The following SDHA variants were observed in gnomAD, a reference collection of about 807,000 sequenced individuals.
SDHA encodes the protein succinate dehydrogenase complex flavoprotein subunit A.
A neutral mutation model predicts 78.4 loss-of-function variants in SDHA; 48 were observed. That is an observed-to-expected ratio of 0.61 (90% CI 0.49 to 0.78). The LOEUF is 0.78. Among genes scored for constraint, SDHA ranks in the 30% least tolerant of loss-of-function variants. The pLI, the probability that SDHA is intolerant of heterozygous loss-of-function variation, is 0.00. For synonymous variants in SDHA, 326 were observed against 353.9 expected, an observed-to-expected ratio of 0.92 and a Z score of 0.88; for missense variants, 680 against 892.7, an observed-to-expected ratio of 0.76 and a Z score of 3.04.
At chr5:220,978 A>G (rs1734682537) in intron 1 of SDHA, among the ~76,000 whole-genome samples, 1 of 151,898 alleles carries the variant, frequency 6.6e-6, no homozygotes, top group Non-Finnish European at 1.5e-5. Flanking sequence ...ATGCCCGGCT[A>G]ATTTTTTTGT....
downstream of SDHA, among the ~76,000 whole-genome samples, chr5:259,438 G>A (rs1366457045): frequency 4.3e-5 from 2 of 46,360 alleles, no homozygotes; most frequent in East Asian, 4.0e-4. Flanking sequence ...TCCGCCTCCC[G>A]ACAGAGCATT....
chr5:257,010 G>A lies in SDHA; in HGVS notation c.*590G>A, dbSNP rs1195373288. On this transcript the variant is annotated 3_prime_UTR_variant, in exon 15 of 15. Transcript: ENST00000264932. ...TGTAGGGACAGGGTCTCACTGTGTTGCCTAGGCTGGTCTCAAGTGATCCTC... is the reference window on the plus strand; with the variant it reads ...TGTAGGGACAGGGTCTCACTGTGTTACCTAGGCTGGTCTCAAGTGATCCTC... Among the ~76,000 whole-genome samples, 13 of 123,022 alleles carry A rather than the reference G, an allele frequency of 1.1e-4. No individual in the cohort carries two copies. Among genetic ancestry groups the A allele is most frequent in the Non-Finnish European group, 1.8e-4 (11 of 61,796 alleles). 80.7% of individuals were successfully genotyped at this position (123,022 alleles called of 152,430 possible). A position where few individuals can be genotyped will look rare whatever the true frequency, so the allele number is the denominator to read the frequency against.
intron 3 of SDHA, among the ~76,000 whole-genome samples, chr5:225,108 G>A (rs942157686): frequency 6.6e-6 from 1 of 152,200 alleles, no homozygotes; most frequent in Admixed American, 6.5e-5. Context: ...GTGCCAGATA[G>A]GTTAGGTTAT....
rs1735689481 is a variant in SDHA at position 235,179 on chromosome 5, A to C, written c.1100A>C (p.Gln367Pro). 1 of 1,614,008 alleles carries C rather than the reference A, an allele frequency of 6.2e-7. No homozygotes were observed. Among genetic ancestry groups the C allele is most frequent in the East Asian group, 2.2e-5 (1 of 44,888 alleles). The change falls in exon 9 of 15, where the codon CAG becomes CCG. Residue 367 changes from glutamine to proline, a missense_variant. Physicochemically the swap from Gln to Pro is moderately conservative, Grantham distance 76 (BLOSUM62 -1). Transcript: ENST00000264932. ...CGPEKDHVYL[Q>P]LHHLPPEQLA... is the part of the protein sequence containing the mutation. ...CCTGAGAAAGATCACGTCTACCTGCAGCTGCACCACCTACCTCCAGAGCAG... is the reference window on the plus strand; with the variant it reads ...CCTGAGAAAGATCACGTCTACCTGCCGCTGCACCACCTACCTCCAGAGCAG...
At chr5:268,326 G>T in the SDHA span, among the ~76,000 whole-genome samples, 3 of 151,982 alleles carry the variant, frequency 2.0e-5, no homozygotes, top group African/African-American at 7.3e-5. Flanking sequence ...GGGATTACAG[G>T]CACCTGCCAC....
intron 9 of SDHA, 114 bp downstream of exon 9, chr5:235,453 G>A (rs1735719344): frequency 5.8e-6 from 6 of 1,042,198 alleles, no homozygotes; most frequent in Admixed American, 1.9e-5. Flanking sequence ...CTTCAAGAAA[G>A]TACTGTATTG....
In SDHA at chr5:218,619, C is replaced by T. The variant is rs971464190; in HGVS notation, c.63+201C>T. On this transcript the variant is annotated intron_variant, in intron 1 of 14. Transcript: ENST00000264932. ...ACTCGGGGACCCGGGGAGCTCGGTC[C>T]TTAGTAGATAGTCCGCGTCCGGGTG... Among the ~76,000 whole-genome samples the T allele has an allele frequency of 2.6e-5, 4 of 152,280 alleles. No individual in the cohort carries two copies. In the East Asian group the frequency reaches 7.7e-4, roughly 29 times the overall value.
At chr5:225,243 G>C (rs1385318024) in intron 3 of SDHA, among the ~76,000 whole-genome samples, 176 bp from the exon 4 acceptor site, 1 of 152,176 alleles carries the variant, frequency 6.6e-6, no homozygotes, top group Non-Finnish European at 1.5e-5. Flanking sequence ...GTCGGGGAGG[G>C]GTTGTGATCT....
At chr5:262,885 C>A in the SDHA span, among the ~76,000 whole-genome samples, 1 of 152,138 alleles carries the variant, frequency 6.6e-6, no homozygotes, top group Non-Finnish European at 1.5e-5. Context: ...TAAATTTGTT[C>A]CTTAAAGTGT....
intron 6 of SDHA, among the ~76,000 whole-genome samples, chr5:230,453 C>G (rs11958564): frequency 0.093 from 14,132 of 151,866 alleles, 934 homozygotes; most frequent in Non-Finnish European, 0.12. Context: ...ATGGTGAAAC[C>G]CCATCTCTAC....
At chr5:249,083 A>G (rs1260845825) in intron 11 of SDHA, 3 of 436,486 alleles carry the variant, frequency 6.9e-6, no homozygotes, top group African/African-American at 2.1e-5. Context: ...GAAGCATCCC[A>G]GCACACCTGA....
In SDHA at chr5:229,498, G is replaced by A. The variant is rs1247399259; in HGVS notation, c.770+1165G>A. Among the ~76,000 whole-genome samples, 7 of 152,326 alleles carry A rather than the reference G, an allele frequency of 4.6e-5. No individual in the cohort carries two copies. The East Asian group carries it at 1.3e-3, about 29-fold the overall frequency. On this transcript the variant is annotated intron_variant, in intron 6 of 14. Transcript: ENST00000264932. ...CATTATGTTAAGTGAAACGAGCCAG[G>A]CACAGAAAGACAGATACTGCATGTC... is the stretch of plus-strand genomic sequence containing the variant.
At position 218,321 on chromosome 5, in the gene SDHA, G is replaced by A; in HGVS notation, c.-35G>A. 2 of 1,437,538 alleles carry A rather than the reference G, an allele frequency of 1.4e-6. No individual in the cohort carries two copies. The highest frequency in any genetic ancestry group is 1.8e-6 in the Non-Finnish European group (2 of 1,103,786). 89.0% of individuals were successfully genotyped at this position (1,437,538 alleles called of 1,614,324 possible). ...GTGGTGCGCAGGCGCAGTCTGCGCA[G>A]GGACTGGCGGGACTGCGCGGCGGCA... On this transcript the variant is annotated 5_prime_UTR_variant, in exon 1 of 15. Transcript: ENST00000264932.
chr5:225,565 GA>G lies in SDHA; in HGVS notation c.456+4del. 9 of 1,613,912 alleles carry G rather than the reference GA, an allele frequency of 5.6e-6. No homozygotes were observed. The highest frequency in any genetic ancestry group is 7.6e-6 in the Non-Finnish European group (9 of 1,179,838). On this transcript the variant is annotated splice_donor_region_variant and intron_variant, in intron 4 of 14. Coordinates refer to ENST00000264932, the MANE Select transcript of SDHA (RefSeq NM_004168.4). Reference sequence around the variant, plus strand: ...AGGCCCCCGCCGCCGTGGTCGAGGTGATGGGCGGGAGGCTCTGGGTGTTCTC... The same window carrying G: ...AGGCCCCCGCCGCCGTGGTCGAGGTGTGGGCGGGAGGCTCTGGGTGTTCTC...
intron 1 of SDHA, among the ~76,000 whole-genome samples, chr5:222,186 C>T (rs1308977093): frequency 6.6e-6 from 1 of 152,022 alleles, no homozygotes; most frequent in Non-Finnish European, 1.5e-5. Flanking sequence ...GCTGAATTAG[C>T]TTATACCAAT....
At chr5:251,791 G>A (rs531224338) in intron 13 of SDHA, 25 of 1,284,896 alleles carry the variant, frequency 1.9e-5, no homozygotes, top group Middle Eastern at 2.6e-4. Flanking sequence ...ATTAAATAAC[G>A]AGTAAGCCAT....
chr5:226,053 G>A lies in SDHA; in HGVS notation c.621+6G>A, dbSNP rs2126550716. On this transcript the variant is annotated splice_donor_region_variant and intron_variant, in intron 5 of 14. Transcript: ENST00000264932. ...TGCACACCTTATATGGAAGGGTAAG[G>A]CCGCCCCCGTCCACCTGAGACAGGA... The A allele has an allele frequency of 6.2e-7, 1 of 1,614,140 alleles. No individual in the cohort carries two copies.
At chr5:251,125 T>C (rs767227359) in intron 12 of SDHA, 22 bp downstream of exon 12, 19 of 1,594,288 alleles carry the variant, frequency 1.2e-5, no homozygotes, top group Non-Finnish European at 2.6e-6. Context: ...GTGGGCTCTG[T>C]GCACACTGTT....
chr5:225,324 G>A (rs1288038505), intron 3 of SDHA, 95 bp from the exon 4 acceptor site: 2 of 1,541,550 alleles, frequency 1.3e-6, no homozygotes, highest in African/African-American at 1.4e-5. Context: ...TGAGTAGTTG[G>A]CTTTCTCTGA....
Sources: allele counts gnomAD v4.1 joint callset (sites outside exome capture counted in the v4.1 genomes callset), GRCh38; gene constraint gnomAD v4.1.1; transcripts MANE v1.5; gene names NCBI Gene and HGNC (gene_info 2026-07-23, HGNC 2026-07-21).